Variants in ANKRD26 observed in about 807,000 individuals in gnomAD.
ANKRD26 encodes ankyrin repeat domain 26.
ANKRD26 carries 141 observed loss-of-function variants against 208.7 expected under a neutral mutation model. The ratio of observed to expected loss-of-function variants is 0.68; its 90% CI spans 0.59 to 0.78. ANKRD26 has a LOEUF of 0.78. Among genes scored for constraint, ANKRD26 ranks in the 30% least tolerant of loss-of-function variants. The pLI is 0.00. For missense variants in ANKRD26, 1,889 were observed against 1,938.7 expected (o/e 0.97, Z 0.48); for synonymous variants, 636 against 660.4 (o/e 0.96, Z 0.57).
chr10:27,039,114 A>T (rs1046458751), intron 21 of ANKRD26, among the ~76,000 whole-genome samples: 11 of 152,186 alleles, frequency 7.2e-5, no homozygotes, highest in African/African-American at 2.7e-4. Context: ...TTCAGTAATC[A>T]CTCACCATTT....
the ANKRD26 span, among the ~76,000 whole-genome samples, chr10:26,963,903 GTTTTTTTTTTT>G: frequency 3.1e-4 from 22 of 71,852 alleles, 1 homozygote; most frequent in African/African-American, 1.9e-3. Context: ...TGGTTGGTTG[GTTTTTTTTTTT>G]TTTTTTTTTT....
intron 32 of ANKRD26, among the ~76,000 whole-genome samples, chr10:27,012,281 A>G (rs1252983563): frequency 6.6e-6 from 1 of 152,144 alleles, no homozygotes; most frequent in Non-Finnish European, 1.5e-5. Context: ...AGGCAATAAT[A>G]TTCCATTTCT....
intron 1 of ANKRD26, 31 bp from the exon 2 acceptor site, chr10:27,093,830 G>A (rs2056380011): frequency 6.9e-7 from 1 of 1,438,954 alleles, no homozygotes; most frequent in East Asian, 2.3e-5. Context: ...TTTATAAACT[G>A]TAGTGCACTG....
chr10:27,080,411 A>C (rs1422970440), intron 6 of ANKRD26, among the ~76,000 whole-genome samples: 1 of 152,162 alleles, frequency 6.6e-6, no homozygotes, highest in Non-Finnish European at 1.5e-5. Flanking sequence ...AAGTCAAAAC[A>C]CATACGTATA....
At position 27,085,462 on chromosome 10, in the gene ANKRD26, A is replaced by G. The variant is rs770912864; in HGVS notation, c.709+1077T>C. Among the ~76,000 whole-genome samples the G allele has an allele frequency of 4.6e-5, 7 of 152,204 alleles. No individual in the cohort carries two copies. The East Asian group carries it at 1.3e-3, about 29-fold the overall frequency. On this transcript the variant is annotated intron_variant, in intron 5 of 33. Coordinates refer to ENST00000376087, the MANE Select transcript of ANKRD26 (RefSeq NM_014915.3). ...CATTCTATTTCAACTTAGGCTGAAT[A>G]AAGTCAGTAATAATAAGATTTTGTT...
chr10:26,962,418 T>G, the ANKRD26 span, among the ~76,000 whole-genome samples: 1 of 150,998 alleles, frequency 6.6e-6, no homozygotes, highest in Non-Finnish European at 1.5e-5. Flanking sequence ...CTACTAAAAA[T>G]ACAAAAATTA....
chr10:27,001,816 C>T (rs1000670274), downstream of ANKRD26, among the ~76,000 whole-genome samples: 1 of 152,136 alleles, frequency 6.6e-6, no homozygotes. Flanking sequence ...GTCAGCAGCT[C>T]GATTTTTCAG....
At chr10:26,981,806 G>A (rs1476102523) in intron 4 of ANKRD26, among the ~76,000 whole-genome samples, 1 of 152,128 alleles carries the variant, frequency 6.6e-6, no homozygotes, top group Non-Finnish European at 1.5e-5. Context: ...TGTGGACCTA[G>A]CTTTCCAGGG....
downstream of ANKRD26, among the ~76,000 whole-genome samples, chr10:26,970,187 G>A (rs2052123367): frequency 6.6e-6 from 1 of 152,028 alleles, no homozygotes; most frequent in Non-Finnish European, 1.5e-5. Context: ...TAAACTAGGT[G>A]ATTTCTTTGG....
chr10:27,093,408 C>T lies in ANKRD26; in HGVS notation c.472G>A (p.Asp158Asn). 2 of 1,614,128 alleles carry T rather than the reference C, an allele frequency of 1.2e-6. No individual in the cohort carries two copies. The highest frequency in any genetic ancestry group is 1.7e-6 in the Non-Finnish European group (2 of 1,180,028). ...AGCAGCTTTGTTGCTACTGATATGT[C>T]CTCATTATAGACAGCATAGTGAAGA... ...TALHYAVYNE[D>N]ISVATKLLLY... Residue 158 changes from aspartate to asparagine, a missense_variant, in exon 3 of 34, where the codon GAC (aspartate) becomes AAC (asparagine). Asp to Asn is a conservative substitution (Grantham distance 23). Coordinates refer to ENST00000376087, the MANE Select transcript of ANKRD26 (RefSeq NM_014915.3).
At chr10:26,967,260 A>G in the ANKRD26 span, among the ~76,000 whole-genome samples, 1 of 152,204 alleles carries the variant, frequency 6.6e-6, no homozygotes, top group East Asian at 1.9e-4. Flanking sequence ...AGATAGATAG[A>G]TATTTTTAGC....
the ANKRD26 span, among the ~76,000 whole-genome samples, chr10:26,947,746 T>C: frequency 2.0e-5 from 3 of 152,164 alleles, no homozygotes; most frequent in African/African-American, 7.2e-5. Context: ...CTAAATATGT[T>C]AGAAAATTAG....
At chr10:27,086,408 A>G (rs1181358213) in intron 5 of ANKRD26, 131 bp downstream of exon 5, 1 of 1,176,776 alleles carries the variant, frequency 8.5e-7, no homozygotes, top group Non-Finnish European at 1.1e-6. Flanking sequence ...ACCAAGAGAA[A>G]TTAAGAAAAA....
At chr10:26,999,792 G>C (rs1443995921), downstream of ANKRD26, among the ~76,000 whole-genome samples, 1 of 109,028 alleles carries the variant, frequency 9.2e-6, no homozygotes, top group Non-Finnish European at 1.7e-5. Context: ...TGATAGGTTT[G>C]AGACCAAAAC....
intron 25 of ANKRD26, among the ~76,000 whole-genome samples, chr10:27,032,567 C>T (rs1252915892): frequency 5.3e-5 from 8 of 150,412 alleles, no homozygotes; most frequent in Admixed American, 1.3e-4. Context: ...ACCCAGGAGG[C>T]GGAGGTTGCA....
intron 7 of ANKRD26, among the ~76,000 whole-genome samples, chr10:27,078,070 T>C (rs1321432883): frequency 2.0e-5 from 3 of 152,160 alleles, no homozygotes; most frequent in African/African-American, 7.2e-5. Context: ...TTTTCTGAAA[T>C]GTGTATGCAT....
At chr10:27,038,075 C>A in intron 21 of ANKRD26, 21 bp from the exon 22 acceptor site, 1 of 1,584,642 alleles carries the variant, frequency 6.3e-7, no homozygotes, top group Non-Finnish European at 8.6e-7. Flanking sequence ...ATATGTTTAT[C>A]TTAAAATCTG....
the ANKRD26 span, among the ~76,000 whole-genome samples, chr10:26,964,769 G>T: frequency 6.6e-6 from 1 of 152,216 alleles, no homozygotes; most frequent in Non-Finnish European, 1.5e-5. Context: ...ATTTAGGGGT[G>T]ACATTTAAGG....
In ANKRD26 at chr10:27,084,536, T is replaced by G. The variant is rs548538162; in HGVS notation, c.710-1703A>C. Among the ~76,000 whole-genome samples, 6 of 152,280 alleles carry G rather than the reference T, an allele frequency of 3.9e-5. No individual in the cohort carries two copies. The South Asian group carries it at 1.2e-3, about 32-fold the overall frequency. ...AGTTCAGATTATAAAATGCATTTGG[T>G]GTCACATCCAGGTAGCATAGTAGCA... On this transcript the variant is annotated intron_variant, in intron 5 of 33. Coordinates refer to ENST00000376087, the MANE Select transcript of ANKRD26 (RefSeq NM_014915.3).
Sources: gnomAD v4.1 joint callset for allele counts (sites outside exome capture counted in the v4.1 genomes callset) on GRCh38, gnomAD v4.1.1 for gene constraint, MANE v1.5 for transcripts, NCBI Gene and HGNC (gene_info 2026-07-23, HGNC 2026-07-21) for gene names.